Variants in ZFP82 observed in about 807,000 individuals in gnomAD.
ZFP82 encodes ZFP82 zinc finger protein, also known as zinc finger protein 82 homolog.
ZFP82 carries 30 observed loss-of-function variants against 54.0 expected under a neutral mutation model. The ratio of observed to expected loss-of-function variants is 0.56; its 90% CI spans 0.42 to 0.75. ZFP82 has a LOEUF of 0.75. Among genes scored for constraint, ZFP82 ranks in the 30% least tolerant of loss-of-function variants. The pLI is 0.00. For synonymous variants in ZFP82, 194 were observed against 209.5 expected, an observed-to-expected ratio of 0.93 and a Z score of 0.64; for missense variants, 500 against 636.8, an observed-to-expected ratio of 0.79 and a Z score of 2.31.
chr19:36,396,778 C>T (rs1420890561), intron 4 of ZFP82, among the ~76,000 whole-genome samples: 3 of 151,102 alleles, frequency 2.0e-5, no homozygotes, highest in Non-Finnish European at 4.4e-5. Context: ...GAGGTCAAGG[C>T]TGCAGTGAGC....
In ZFP82 at chr19:36,392,882, G is replaced by A; in HGVS notation, c.1458C>T (p.Ala486=). 1 of 1,613,906 alleles carries A rather than the reference G, an allele frequency of 6.2e-7. No individual in the cohort carries two copies. The highest frequency in any genetic ancestry group is 8.5e-7 in the Non-Finnish European group (1 of 1,179,938). Reference sequence around the variant, plus strand: ...GAATAAGGGATGAATTAAGTCTAAAGGCCTTCCTACATTCCTTACACTCAA... The same window carrying A: ...GAATAAGGGATGAATTAAGTCTAAAAGCCTTCCTACATTCCTTACACTCAA... ...KPFECKECRK[A]FRLNSSLIQH... The change falls in exon 5 of 5, where the codon GCC becomes GCT. Residue 486 remains alanine, a synonymous_variant. Coordinates refer to ENST00000392161, the MANE Select transcript of ZFP82 (RefSeq NM_133466.4).
In ZFP82 at chr19:36,390,331, C is replaced by CTTTTTTTTT. The variant is rs10695573; in HGVS notation, c.*2401_*2409dup. On this transcript the variant is annotated 3_prime_UTR_variant, in exon 5 of 5. Coordinates refer to ENST00000392161, the MANE Select transcript of ZFP82 (RefSeq NM_133466.4). ...TTAAAGTGTAGGATTCCATTTTTGT[C>CTTTTTTTTT]TTTTTTTTTTTTTTTTTTGACATGT... is the stretch of plus-strand genomic sequence containing the variant. 7.7e-6 allele frequency: 1 copy of CTTTTTTTTT among 130,688 alleles called. No homozygotes were observed. Among genetic ancestry groups the CTTTTTTTTT allele is most frequent in the African/African-American group, 3.0e-5 (1 of 33,774 alleles). 8.1% of individuals were successfully genotyped at this position (130,688 alleles called of 1,614,324 possible).
rs566693428 is a variant in ZFP82, at chr19:36,392,435, C to T, written c.*306G>A. On this transcript the variant is annotated 3_prime_UTR_variant, in exon 5 of 5. Transcript: ENST00000392161. ...ATTGAAAGTGTGTCAAACTGCTGCA[C>T]TCTTATATGACCATGTCATAAATTA... is the stretch of plus-strand genomic sequence containing the variant. 4.2e-6 allele frequency: 1 copy of T among 238,912 alleles called. No homozygotes were observed. Among genetic ancestry groups the T allele is most frequent in the African/African-American group, 2.3e-5 (1 of 44,318 alleles). 14.8% of individuals were successfully genotyped at this position (238,912 alleles called of 1,614,324 possible).
In ZFP82 at chr19:36,418,615, T is replaced by A. The variant is rs1271234737; in HGVS notation, c.-202A>T. On this transcript the variant is annotated 5_prime_UTR_variant, in exon 1 of 5. Coordinates refer to ENST00000392161, the MANE Select transcript of ZFP82 (RefSeq NM_133466.4). The stretch of plus-strand genomic sequence containing the variant: ...GCGATGCCCGAACGGAGGAAGCCGC[T>A]GCCGGGTCACGCCACAATCCCCGGG... The A allele has an allele frequency of 6.6e-6, 1 of 152,290 alleles. No homozygotes were observed. Among genetic ancestry groups the A allele is most frequent in the South Asian group, 2.1e-4 (1 of 4,832 alleles). The allele number at this position is 152,290 out of a possible 1,614,324, so 9.4% of individuals were successfully genotyped here. A position where few individuals can be genotyped will look rare whatever the true frequency, so the allele number is the denominator to read the frequency against.
chr19:36,393,176 A>G lies in ZFP82; in HGVS notation c.1164T>C (p.His388=), dbSNP rs1456353567. The G allele has an allele frequency of 6.2e-7, 1 of 1,613,972 alleles. No individual in the cohort carries two copies. Among genetic ancestry groups the G allele is most frequent in the Non-Finnish European group, 8.5e-7 (1 of 1,179,980 alleles). Reference sequence around the variant, plus strand: ...TACATTCGTAAGGTTTTTCACCAGTATGAATTCTGTGATGGAGAATAAGAT... The same window carrying G: ...TACATTCGTAAGGTTTTTCACCAGTGTGAATTCTGTGATGGAGAATAAGAT... ...GYHLILHHRI[H]TGEKPYECKE... Residue 388 remains histidine (H), a synonymous_variant, in exon 5 of 5, where the codon CAT becomes CAC. Transcript: ENST00000392161.
At chr19:36,401,077 A>AT (rs1600102773) in intron 4 of ZFP82, among the ~76,000 whole-genome samples, 2 of 109,998 alleles carry the variant, frequency 1.8e-5, no homozygotes, top group African/African-American at 7.1e-5. Context: ...TTTTTTTTTA[A>AT]TTTTTTTAGT....
intron 4 of ZFP82, among the ~76,000 whole-genome samples, chr19:36,397,558 T>G (rs1228362065): frequency 6.6e-6 from 1 of 151,776 alleles, no homozygotes; most frequent in Non-Finnish European, 1.5e-5. Context: ...AAATGGATAA[T>G]TTGTTGTTTT....
chr19:36,385,676 C>T (rs1222562498), downstream of ZFP82, among the ~76,000 whole-genome samples: 1 of 152,132 alleles, frequency 6.6e-6, no homozygotes, highest in Non-Finnish European at 1.5e-5. Flanking sequence ...AAAGGCAATT[C>T]TGGTGAGGTC....
chr19:36,389,379 T>G lies in ZFP82; in HGVS notation c.*3362A>C, dbSNP rs1236352346. Among the ~76,000 whole-genome samples, 1 of 152,126 alleles carries G rather than the reference T, an allele frequency of 6.6e-6. No individual in the cohort carries two copies. The highest frequency in any genetic ancestry group is 1.9e-4 in the East Asian group (1 of 5,190). ...CTTTAAAAAACTTTATTATGGAAAA[T>G]TTAAAATATATGTAAAGATAGTAAG... On this transcript the variant is annotated 3_prime_UTR_variant, in exon 5 of 5. Coordinates refer to ENST00000392161, the MANE Select transcript of ZFP82 (RefSeq NM_133466.4).
intron 4 of ZFP82, among the ~76,000 whole-genome samples, chr19:36,397,668 G>T (rs531099167): frequency 1.6e-4 from 24 of 151,216 alleles, no homozygotes; most frequent in Non-Finnish European, 2.1e-4. Flanking sequence ...CTGGCCCCCC[G>T]CCACGCCCCA....
In ZFP82 at chr19:36,393,115, G is replaced by A; in HGVS notation, c.1225C>T (p.Leu409Phe). The change falls in exon 5 of 5, where the codon CTT (leucine) becomes TTT (phenylalanine). Residue 409 changes from leucine to phenylalanine, a missense_variant. Transcript: ENST00000392161. ...ATATGAATACTCTGATGTGAAATAA[G>A]TTGTGAGTAGCGACTAAAGGCTTTC... ...CWKAFSRYSQ[L>F]ISHQSIHIGV... The A allele has an allele frequency of 6.2e-7, 1 of 1,614,010 alleles. No individual in the cohort carries two copies. The highest frequency in any genetic ancestry group is 2.2e-5 in the East Asian group (1 of 44,872).
intron 4 of ZFP82, among the ~76,000 whole-genome samples, chr19:36,396,516 CG>C (rs1027404282): frequency 2.6e-5 from 4 of 151,924 alleles, no homozygotes; most frequent in African/African-American, 9.7e-5. Flanking sequence ...ATGAGCTGGG[CG>C]GGGTGTCAGG....
In ZFP82 at chr19:36,394,262, G is replaced by A. The variant is rs560209037; in HGVS notation, c.230-152C>T. On this transcript the variant is annotated intron_variant, in intron 4 of 4. Coordinates refer to ENST00000392161, the MANE Select transcript of ZFP82 (RefSeq NM_133466.4). Reference sequence around the variant, plus strand: ...TTGGAAAGAAAAAAAAAGCCAAAGGGAACATCAGGAAAAATGAGAGTTCAT... The same window carrying A: ...TTGGAAAGAAAAAAAAAGCCAAAGGAAACATCAGGAAAAATGAGAGTTCAT... The A allele has an allele frequency of 1.1e-4, 81 of 706,096 alleles. No homozygotes were observed. In the East Asian group the frequency reaches 2.2e-3, roughly 19 times the overall value. 43.7% of individuals were successfully genotyped at this position (706,096 alleles called of 1,614,324 possible).
downstream of ZFP82, chr19:36,383,657 T>C (rs1408059471): frequency 6.6e-6 from 1 of 152,110 alleles, no homozygotes; most frequent in African/African-American, 2.4e-5. Context: ...CCTGATTGCC[T>C]AGAAAACCAA....
chr19:36,392,398 T>G lies in ZFP82; in HGVS notation c.*343A>C, dbSNP rs1330596144. On this transcript the variant is annotated 3_prime_UTR_variant, in exon 5 of 5. Transcript: ENST00000392161. ...CCTGTATACAACAGAGGGATGTAGA[T>G]TCCACCTCTTGATTGAAAGTGTGTC... The G allele has an allele frequency of 5.2e-6, 1 of 190,636 alleles. No homozygotes were observed. The highest frequency in any genetic ancestry group is 1.4e-4 in the East Asian group (1 of 7,392). 11.8% of individuals were successfully genotyped at this position (190,636 alleles called of 1,614,324 possible). A position where few individuals can be genotyped will look rare whatever the true frequency, so the allele number is the denominator to read the frequency against.
At chr19:36,383,809 C>A (rs891150255), downstream of ZFP82, 15 of 151,998 alleles carry the variant, frequency 9.9e-5, no homozygotes, top group South Asian at 2.1e-4. Flanking sequence ...CAAAGGACTA[C>A]TATCTAGAAT....
At chr19:36,411,124 G>C (rs2032573191) in intron 1 of ZFP82, among the ~76,000 whole-genome samples, 1 of 151,706 alleles carries the variant, frequency 6.6e-6, no homozygotes, top group Admixed American at 6.6e-5. Flanking sequence ...ACCTAGGGGG[G>C]CGGAGGTTGC....
chr19:36,401,349 C>A (rs1369235399), intron 4 of ZFP82, among the ~76,000 whole-genome samples: 3 of 152,206 alleles, frequency 2.0e-5, no homozygotes, highest in Non-Finnish European at 4.4e-5. Context: ...CTTAAAATAT[C>A]TTAAACTGAA....
chr19:36,411,352 G>A (rs2032577453), intron 1 of ZFP82, among the ~76,000 whole-genome samples: 1 of 151,958 alleles, frequency 6.6e-6, no homozygotes, highest in Non-Finnish European at 1.5e-5. Context: ...AAACTGGCAT[G>A]CATGATTCAC....
Sources: allele counts gnomAD v4.1 joint callset (sites outside exome capture counted in the v4.1 genomes callset), GRCh38; gene constraint gnomAD v4.1.1; transcripts MANE v1.5; gene names NCBI Gene and HGNC (gene_info 2026-07-23, HGNC 2026-07-21).